Variants in ADAMTS2 observed in about 807,000 individuals in gnomAD.
The protein encoded by ADAMTS2 is ADAM metallopeptidase with thrombospondin type 1 motif 2.
A neutral mutation model predicts 123.0 loss-of-function variants in ADAMTS2; 50 were observed. The ratio of observed to expected loss-of-function variants is 0.41; its 90% CI spans 0.32 to 0.51. ADAMTS2 has a LOEUF of 0.51. ADAMTS2 is among the 20% of genes least tolerant of loss of function. The pLI, the probability that ADAMTS2 is intolerant of heterozygous loss-of-function variation, is 0.35. For synonymous variants in ADAMTS2, 678 were observed against 695.4 expected (o/e 0.98, Z 0.39); for missense variants, 1,494 against 1,705.2 (o/e 0.88, Z 2.18).
chr5:179,291,793 G>C (rs1756196954), intron 2 of ADAMTS2, among the ~76,000 whole-genome samples: 1 of 151,894 alleles, frequency 6.6e-6, no homozygotes, highest in South Asian at 2.1e-4. Context: ...CTGCAGTACA[G>C]TGGCTCAAAC....
At chr5:179,184,063 C>T (rs1764108943) in intron 4 of ADAMTS2, among the ~76,000 whole-genome samples, 2 of 152,114 alleles carry the variant, frequency 1.3e-5, no homozygotes, top group African/African-American at 4.8e-5. Flanking sequence ...GATTTAAACC[C>T]CTGGGTCTAT....
At chr5:179,231,688 C>T (rs1765414842) in intron 3 of ADAMTS2, among the ~76,000 whole-genome samples, 1 of 152,096 alleles carries the variant, frequency 6.6e-6, no homozygotes, top group Non-Finnish European at 1.5e-5. Flanking sequence ...TCGCAGCTGA[C>T]ATGGATCAAT....
chr5:179,116,709 T>C (rs1375386736), intron 21 of ADAMTS2, among the ~76,000 whole-genome samples: 1 of 152,096 alleles, frequency 6.6e-6, no homozygotes, highest in Admixed American at 6.5e-5. Context: ...AACAGGGAAA[T>C]TTTGAATCTG....
At chr5:179,215,230 C>T (rs1764952224) in intron 3 of ADAMTS2, among the ~76,000 whole-genome samples, 2 of 152,182 alleles carry the variant, frequency 1.3e-5, no homozygotes, top group South Asian at 4.1e-4. Flanking sequence ...GGGTGGATCA[C>T]CTGAGGTTGG....
intron 2 of ADAMTS2, among the ~76,000 whole-genome samples, chr5:179,316,682 A>G (rs1757007246): frequency 6.6e-6 from 1 of 152,214 alleles, no homozygotes; most frequent in Non-Finnish European, 1.5e-5. Flanking sequence ...AGTGGTGTAC[A>G]CCTATAATTC....
At chr5:179,186,318 C>T (rs1303028809) in intron 4 of ADAMTS2, among the ~76,000 whole-genome samples, 1 of 152,186 alleles carries the variant, frequency 6.6e-6, no homozygotes, top group Non-Finnish European at 1.5e-5. Context: ...GTCCAACCCA[C>T]AGTCCGGGGC....
At chr5:179,340,870 G>A (rs993329380) in intron 2 of ADAMTS2, among the ~76,000 whole-genome samples, 19 of 152,150 alleles carry the variant, frequency 1.2e-4, no homozygotes, top group African/African-American at 4.3e-4. Context: ...AAATTAGCAC[G>A]CCTACCACGC....
intron 6 of ADAMTS2, among the ~76,000 whole-genome samples, chr5:179,156,654 C>T (rs187661599): frequency 1.3e-3 from 193 of 151,912 alleles, no homozygotes; most frequent in African/African-American, 4.4e-3. Context: ...CACCGCGCCC[C>T]GTCTACCTTT....
At chr5:179,281,366 C>G (rs1766899736) in intron 2 of ADAMTS2, among the ~76,000 whole-genome samples, 1 of 152,242 alleles carries the variant, frequency 6.6e-6, no homozygotes. Flanking sequence ...CAACCCAGCC[C>G]TGGGCAACCA....
chr5:179,298,054 G>T (rs144967440), intron 2 of ADAMTS2, among the ~76,000 whole-genome samples: 1 of 152,062 alleles, frequency 6.6e-6, no homozygotes, highest in African/African-American at 2.4e-5. Context: ...GCCGCCCCCA[G>T]CTGCTCCGGT....
At chr5:179,200,718 C>T (rs1381581765) in intron 4 of ADAMTS2, among the ~76,000 whole-genome samples, 2 of 152,132 alleles carry the variant, frequency 1.3e-5, no homozygotes, top group Non-Finnish European at 2.9e-5. Flanking sequence ...AACACATCAC[C>T]CAAGGGAGAA....
Position 179,158,637 on chromosome 5 carries a change from T to C in ADAMTS2, c.1132+86A>G, listed in dbSNP as rs1197854641. 6.3e-7 allele frequency: 1 copy of C among 1,585,438 alleles called. No homozygotes were observed. The highest frequency in any genetic ancestry group is 1.3e-5 in the African/African-American group (1 of 74,424). ...CCTGCCCTGACACTCTTCCCTGGGC[T>C]GGGCCAAGGCTCCCGGGGCCCCTTG... On this transcript the variant is annotated intron_variant, in intron 6 of 21. Coordinates refer to ENST00000251582, the MANE Select transcript of ADAMTS2 (RefSeq NM_014244.5). This position sits in a 1 kb window ranked among gnomAD's most constrained non-coding sequence, Gnocchi z 5.0.
chr5:179,239,581 G>C (rs113323047), intron 3 of ADAMTS2, among the ~76,000 whole-genome samples: 1,993 of 152,234 alleles, frequency 0.013, 42 homozygotes, highest in African/African-American at 0.045. Flanking sequence ...AATACAGAGA[G>C]CATGGAAGGT....
At chr5:179,195,500 A>G (rs1007729632) in intron 4 of ADAMTS2, among the ~76,000 whole-genome samples, 2 of 152,244 alleles carry the variant, frequency 1.3e-5, no homozygotes, top group African/African-American at 4.8e-5. Context: ...TCCCAAAAAA[A>G]GTAGATTTCC....
intron 3 of ADAMTS2, among the ~76,000 whole-genome samples, chr5:179,267,925 G>A (rs574144223): frequency 2.0e-5 from 3 of 152,286 alleles, no homozygotes; most frequent in Admixed American, 6.5e-5. Flanking sequence ...TGGTCCTTTC[G>A]CATGGTGATA....
At chr5:179,263,388 T>G (rs1486013386) in intron 3 of ADAMTS2, among the ~76,000 whole-genome samples, 3 of 151,980 alleles carry the variant, frequency 2.0e-5, no homozygotes, top group Non-Finnish European at 4.4e-5. Flanking sequence ...TATTCCCCCA[T>G]GATTTGGGGA....
At chr5:179,209,381 G>T (rs960649311) in intron 3 of ADAMTS2, among the ~76,000 whole-genome samples, 1 of 152,192 alleles carries the variant, frequency 6.6e-6, no homozygotes, top group Admixed American at 6.5e-5. Context: ...GTGGAGGTGC[G>T]AGGCGGAGGG....
intron 12 of ADAMTS2, among the ~76,000 whole-genome samples, chr5:179,136,312 G>A (rs765559400): frequency 5.3e-5 from 8 of 152,238 alleles, no homozygotes; most frequent in Middle Eastern, 3.4e-3. Context: ...TCACATCCCC[G>A]AGGCCCCGCT....
chr5:179,157,271 G>A (rs954278415), intron 6 of ADAMTS2, among the ~76,000 whole-genome samples: 36 of 152,112 alleles, frequency 2.4e-4, no homozygotes, highest in African/African-American at 8.5e-4. Context: ...TTTAAATGAG[G>A]GATCAGGTCA....
Sources: gnomAD v4.1 joint callset for allele counts (sites outside exome capture counted in the v4.1 genomes callset) on GRCh38, gnomAD v4.1.1 for gene constraint, Gnocchi (gnomAD v3.1) non-coding constraint, MANE v1.5 for transcripts, NCBI Gene and HGNC (gene_info 2026-07-23, HGNC 2026-07-21) for gene names.